The following CNTNAP2 variants were observed in gnomAD, a reference collection of about 807,000 sequenced individuals.
CNTNAP2 encodes the protein contactin-associated protein-like 2.
In CNTNAP2, 98 loss-of-function variants were observed where a neutral mutation model predicts 155.2. The observed-to-expected ratio is 0.63, with a 90% confidence interval of 0.54 to 0.75. The LOEUF is 0.75. Ranked by LOEUF, CNTNAP2 falls within the 30% of genes least tolerant of loss-of-function variation. The probability of loss-of-function intolerance (pLI) is 0.00; values close to 1 mark genes in which losing one functional copy is unlikely to be tolerated. For missense variants in CNTNAP2, 1,727 were observed against 1,688.1 expected (o/e 1.02, Z -0.40); for synonymous variants, 651 against 631.2 (o/e 1.03, Z -0.47).
intron 4 of CNTNAP2, among the ~76,000 whole-genome samples, chr7:147,051,088 A>G (rs1352901532): frequency 6.6e-6 from 1 of 151,692 alleles, no homozygotes; most frequent in Non-Finnish European, 1.5e-5. Flanking sequence ...ATATCCACAA[A>G]GACCCACTTT....
chr7:148,089,710 C>T (rs1803800595), intron 15 of CNTNAP2, among the ~76,000 whole-genome samples: 1 of 151,580 alleles, frequency 6.6e-6, no homozygotes, highest in African/African-American at 2.4e-5. Context: ...TTCAGTACTA[C>T]CCAAAGTGAT....
intron 10 of CNTNAP2, among the ~76,000 whole-genome samples, chr7:147,474,181 T>C (rs185383156): frequency 6.6e-6 from 1 of 152,164 alleles, no homozygotes; most frequent in East Asian, 1.9e-4. Context: ...AATGCAGGAA[T>C]CCAGGGCTGG....
chr7:146,996,979 G>A (rs966929312), intron 3 of CNTNAP2, among the ~76,000 whole-genome samples: 2 of 152,006 alleles, frequency 1.3e-5, no homozygotes, highest in Non-Finnish European at 2.9e-5. Flanking sequence ...TCTCTCTCTT[G>A]CCTGCTGCCA....
At chr7:147,221,681 T>C (rs928333367) in intron 8 of CNTNAP2, among the ~76,000 whole-genome samples, 4 of 152,264 alleles carry the variant, frequency 2.6e-5, no homozygotes, top group African/African-American at 9.6e-5. Flanking sequence ...TCTTCTTTGA[T>C]GCTCTTCCAT....
chr7:147,772,827 C>T (rs1797496442), intron 13 of CNTNAP2, among the ~76,000 whole-genome samples: 1 of 152,042 alleles, frequency 6.6e-6, no homozygotes, highest in African/African-American at 2.4e-5. Context: ...ATTCCACACC[C>T]TAAAAACTCC....
intron 3 of CNTNAP2, among the ~76,000 whole-genome samples, chr7:147,017,871 G>A (rs1798751982): frequency 6.6e-6 from 1 of 151,952 alleles, no homozygotes; most frequent in African/African-American, 2.4e-5. Flanking sequence ...GTTGAGATAA[G>A]GTTACTTCAA....
At chr7:148,203,893 C>T (rs4486103) in intron 18 of CNTNAP2, among the ~76,000 whole-genome samples, 61,467 of 151,912 alleles carry the variant, frequency 0.4, 12,626 homozygotes, top group South Asian at 0.6. Context: ...CCCAGTGCTC[C>T]TGGGCCTGAC....
chr7:148,035,633 C>T (rs1185108430), intron 15 of CNTNAP2, among the ~76,000 whole-genome samples: 6 of 152,194 alleles, frequency 3.9e-5, no homozygotes, highest in Admixed American at 2.0e-4. Context: ...GTTGGACAGC[C>T]TCAGGGCCCA....
At chr7:146,885,583 A>G (rs1159677004) in intron 3 of CNTNAP2, among the ~76,000 whole-genome samples, 1 of 152,184 alleles carries the variant, frequency 6.6e-6, no homozygotes. Context: ...GTTAATATAA[A>G]TGGATATCTT....
chr7:147,003,335 A>AC (rs200446535), intron 3 of CNTNAP2, among the ~76,000 whole-genome samples: 6,713 of 151,182 alleles, frequency 0.044, 163 homozygotes, highest in African/African-American at 0.062. Flanking sequence ...AGGCAAACCA[A>AC]CCCCCCCCAA....
At chr7:146,132,918 G>A (rs1797738574) in intron 1 of CNTNAP2, among the ~76,000 whole-genome samples, 1 of 148,584 alleles carries the variant, frequency 6.7e-6, no homozygotes, top group Non-Finnish European at 1.5e-5. Context: ...AGTCCTTTGG[G>A]TATATACCCA....
chr7:146,180,447 C>G (rs1798534210), intron 1 of CNTNAP2, among the ~76,000 whole-genome samples: 1 of 151,688 alleles, frequency 6.6e-6, no homozygotes, highest in Non-Finnish European at 1.5e-5. Context: ...CATTCTCTAT[C>G]AAAATAGATC....
intron 13 of CNTNAP2, among the ~76,000 whole-genome samples, chr7:147,785,858 G>T (rs772764981): frequency 6.6e-6 from 1 of 151,878 alleles, no homozygotes; most frequent in Non-Finnish European, 1.5e-5. Context: ...CAGGTGTAGT[G>T]GTGCAGGGCT....
At chr7:146,906,627 A>T (rs925216667) in intron 3 of CNTNAP2, among the ~76,000 whole-genome samples, 2 of 152,108 alleles carry the variant, frequency 1.3e-5, no homozygotes, top group Non-Finnish European at 2.9e-5. Flanking sequence ...AATAGAAAGG[A>T]CATCCACACC....
chr7:147,927,902 T>C (rs1800425964), intron 14 of CNTNAP2, among the ~76,000 whole-genome samples: 1 of 152,178 alleles, frequency 6.6e-6, no homozygotes, highest in African/African-American at 2.4e-5. Context: ...CAATTAAATA[T>C]GCAGTCTTGG....
At chr7:147,835,138 G>C (rs963783119) in intron 13 of CNTNAP2, among the ~76,000 whole-genome samples, 4 of 152,072 alleles carry the variant, frequency 2.6e-5, no homozygotes, top group Admixed American at 1.3e-4. Flanking sequence ...TCTATGCAAG[G>C]ACTTGGAGTA....
At chr7:147,592,064 CACTG>C (rs1800744607) in intron 12 of CNTNAP2, among the ~76,000 whole-genome samples, 1 of 152,140 alleles carries the variant, frequency 6.6e-6, no homozygotes, top group Non-Finnish European at 1.5e-5. Context: ...TCTTTCATAT[CACTG>C]ACATTGTATA....
intron 13 of CNTNAP2, among the ~76,000 whole-genome samples, chr7:147,772,446 C>CCATATATATATATA (rs71527835): frequency 3.1e-5 from 2 of 63,744 alleles, no homozygotes; most frequent in Non-Finnish European, 5.5e-5. Context: ...CTCTCTCTCG[C>CCATATATATATATA]TATATATATA....
At chr7:147,135,333 G>A (rs1045750322) in intron 8 of CNTNAP2, among the ~76,000 whole-genome samples, 5 of 151,556 alleles carry the variant, frequency 3.3e-5, no homozygotes, top group African/African-American at 7.3e-5. Flanking sequence ...CAACATCAAC[G>A]TTTTCTGATG....
Sources: allele counts gnomAD v4.1 joint callset (sites outside exome capture counted in the v4.1 genomes callset), GRCh38; gene constraint gnomAD v4.1.1; transcripts MANE v1.5; gene names NCBI Gene and HGNC (gene_info 2026-07-23, HGNC 2026-07-21).